TRDMT1: variants seen among roughly 807,000 people sequenced by gnomAD.
The protein encoded by TRDMT1 is tRNA (cytosine(38)-C(5))-methyltransferase.
A neutral mutation model predicts 51.2 loss-of-function variants in TRDMT1; 49 were observed. The ratio of observed to expected loss-of-function variants is 0.96; its 90% CI spans 0.76 to 1.21. The LOEUF (loss-of-function observed/expected upper bound fraction) is 1.21. Ranked by LOEUF, TRDMT1 falls within the 50% of genes most tolerant of loss-of-function variation. The probability of loss-of-function intolerance (pLI) is 0.00; values close to 1 mark genes in which losing one functional copy is unlikely to be tolerated. For missense variants in TRDMT1, 534 were observed against 462.3 expected (o/e 1.16, Z -1.42); for synonymous variants, 187 against 164.6 (o/e 1.14, Z -1.04).
chr10:17,152,602 G>A (rs998128527), intron 10 of TRDMT1, among the ~76,000 whole-genome samples: 1 of 152,134 alleles, frequency 6.6e-6, no homozygotes, highest in African/African-American at 2.4e-5. Flanking sequence ...AGCATTCGAG[G>A]GACGTGAGTC....
At chr10:17,157,924 T>C in intron 7 of TRDMT1, 140 bp from the exon 8 acceptor site, 1 of 651,094 alleles carries the variant, frequency 1.5e-6, no homozygotes, top group Non-Finnish European at 2.6e-6. Flanking sequence ...TGTGGTTTAC[T>C]TGTATTTGTA....
intron 1 of TRDMT1, among the ~76,000 whole-genome samples, chr10:17,190,749 T>C (rs907004769): frequency 1.3e-5 from 2 of 152,240 alleles, no homozygotes; most frequent in Admixed American, 6.5e-5. Context: ...ACAGCAAGCA[T>C]GCCTATAGTT....
chr10:17,145,043 T>C lies in TRDMT1; in HGVS notation c.*3997A>G. ...GTGGGTGGATTAACTTGAGGTCAGG[T>C]GTTCGAGACCAGCCTGGCCAACATG... On this transcript the variant is annotated 3_prime_UTR_variant, in exon 11 of 11. Transcript: ENST00000377799. 1.1e-6 allele frequency: 1 copy of C among 887,672 alleles called. No individual in the cohort carries two copies. Among genetic ancestry groups the C allele is most frequent in the Non-Finnish European group, 1.3e-6 (1 of 741,112 alleles). The allele number at this position is 887,672 out of a possible 1,614,324, so 55.0% of individuals were successfully genotyped here. A position where few individuals can be genotyped will look rare whatever the true frequency, so the allele number is the denominator to read the frequency against.
intron 9 of TRDMT1, among the ~76,000 whole-genome samples, chr10:17,153,931 G>T (rs1839138496): frequency 1.3e-5 from 2 of 152,046 alleles, no homozygotes; most frequent in Admixed American, 1.3e-4. Flanking sequence ...CAATATAAAA[G>T]AAATATAGTG....
At chr10:17,172,627 T>A (rs1220210960) in intron 2 of TRDMT1, among the ~76,000 whole-genome samples, 2 of 152,176 alleles carry the variant, frequency 1.3e-5, no homozygotes, top group African/African-American at 4.8e-5. Context: ...AGAAGGTTTT[T>A]CAGGAAGAAG....
chr10:17,199,959 T>A (rs1845938507), intron 1 of TRDMT1, among the ~76,000 whole-genome samples: 1 of 152,136 alleles, frequency 6.6e-6, no homozygotes, highest in Non-Finnish European at 1.5e-5. Flanking sequence ...CCCTAACAAA[T>A]TAGCAAGGAT....
At chr10:17,201,509 C>G (rs1175105759) in intron 1 of TRDMT1, 62 bp downstream of exon 1, 2 of 1,501,102 alleles carry the variant, frequency 1.3e-6, no homozygotes, top group East Asian at 5.1e-5. Context: ...CCCTTCCCGG[C>G]GCGGGTGCTC....
chr10:17,148,831 A>C lies in TRDMT1; in HGVS notation c.*209T>G. On this transcript the variant is annotated 3_prime_UTR_variant, in exon 11 of 11. Coordinates refer to ENST00000377799, the MANE Select transcript of TRDMT1 (RefSeq NM_004412.7). Reference sequence around the variant, plus strand: ...TCATATGAAAATATACTCTCCATAAAGCATAACAATAGTTCGTATTTTATA... The same window carrying C: ...TCATATGAAAATATACTCTCCATAACGCATAACAATAGTTCGTATTTTATA... 8.6e-7 allele frequency: 1 copy of C among 1,160,082 alleles called. No homozygotes were observed. Among genetic ancestry groups the C allele is most frequent in the South Asian group, 2.4e-5 (1 of 41,854 alleles). The allele number at this position is 1,160,082 out of a possible 1,614,324, so 71.9% of individuals were successfully genotyped here. A position where few individuals can be genotyped will look rare whatever the true frequency, so the allele number is the denominator to read the frequency against.
At chr10:17,168,979 G>C in intron 2 of TRDMT1, 62 bp from the exon 3 acceptor site, 1 of 1,023,916 alleles carries the variant, frequency 9.8e-7, no homozygotes, top group Non-Finnish European at 1.4e-6. Flanking sequence ...TGGGGAAGAG[G>C]GAAAATACTA....
intron 1 of TRDMT1, 130 bp from the exon 2 acceptor site, chr10:17,174,790 T>C (rs1427433562): frequency 2.7e-6 from 2 of 739,406 alleles, no homozygotes; most frequent in Non-Finnish European, 4.5e-6. Flanking sequence ...AGACTGTCAG[T>C]GGAAGGTCAG....
At position 17,158,565 on chromosome 10, in the gene TRDMT1, G is replaced by T. The variant is rs181935920; in HGVS notation, c.543+581C>A. ...TATGAAAGTTAGGGAGAGTTTCGCCGAAATGCTGAAACTCAGTTATCCATC... is the reference window on the plus strand; with the variant it reads ...TATGAAAGTTAGGGAGAGTTTCGCCTAAATGCTGAAACTCAGTTATCCATC... On this transcript the variant is annotated intron_variant, in intron 7 of 10. Transcript: ENST00000377799. 2.0e-5 allele frequency among the ~76,000 whole-genome samples: 3 copies of T among 152,078 alleles called. 1 individual carries two copies. The highest frequency in any genetic ancestry group is 4.8e-5 in the African/African-American group (2 of 41,432).
At chr10:17,149,968 C>G (rs940982665) in intron 10 of TRDMT1, among the ~76,000 whole-genome samples, 1 of 151,972 alleles carries the variant, frequency 6.6e-6, no homozygotes, top group Non-Finnish European at 1.5e-5. Context: ...TGTATAGATA[C>G]GTATTTTCAA....
intron 6 of TRDMT1, among the ~76,000 whole-genome samples, chr10:17,159,566 G>A (rs1462127037): frequency 6.6e-6 from 1 of 151,944 alleles, no homozygotes; most frequent in Non-Finnish European, 1.5e-5. Context: ...TTCAAATATA[G>A]CTATTCTTGG....
rs1300309907 is a variant in TRDMT1 at position 17,145,500 on chromosome 10, C to A, written c.*3540G>T. 4.7e-5 allele frequency: 46 copies of A among 985,274 alleles called. No individual in the cohort carries two copies. Among genetic ancestry groups the A allele is most frequent in the Non-Finnish European group, 5.1e-5 (42 of 829,922 alleles). 61.0% of individuals were successfully genotyped at this position (985,274 alleles called of 1,614,324 possible). On this transcript the variant is annotated 3_prime_UTR_variant, in exon 11 of 11. Transcript: ENST00000377799. Reference sequence around the variant, plus strand: ...GCAATCACAGGCTACAAGAAAACTGCTGAGGCTATATGACCCTCACACAGT... The same window carrying A: ...GCAATCACAGGCTACAAGAAAACTGATGAGGCTATATGACCCTCACACAGT...
intron 7 of TRDMT1, 78 bp from the exon 8 acceptor site, chr10:17,157,862 T>C: frequency 8.8e-7 from 1 of 1,136,680 alleles, no homozygotes. Flanking sequence ...CAGTCAACAT[T>C]ACGAAAACAA....
intron 8 of TRDMT1, among the ~76,000 whole-genome samples, chr10:17,156,175 T>A (rs1195152973): frequency 6.6e-6 from 1 of 151,816 alleles, no homozygotes; most frequent in Non-Finnish European, 1.5e-5. Context: ...ATCATACAAC[T>A]ACCTACCAAA....
rs1837699078 is a variant in TRDMT1 at position 17,141,586 on chromosome 10, A to G, written c.*7454T>C. Among the ~76,000 whole-genome samples the G allele has an allele frequency of 6.6e-6, 1 of 151,914 alleles. No homozygotes were observed. Among genetic ancestry groups the G allele is most frequent in the South Asian group, 2.1e-4 (1 of 4,822 alleles). On this transcript the variant is annotated 3_prime_UTR_variant, in exon 11 of 11. Coordinates refer to ENST00000377799, the MANE Select transcript of TRDMT1 (RefSeq NM_004412.7). ...ACATATAAATGTTGGTTCTTCTGTTATTGTCCCACAGGTCCCCAAGGCTCT... is the reference window on the plus strand; with the variant it reads ...ACATATAAATGTTGGTTCTTCTGTTGTTGTCCCACAGGTCCCCAAGGCTCT...
Position 17,161,522 on chromosome 10 carries a change from A to G in TRDMT1, c.350T>C (p.Leu117Pro). Reference sequence around the variant, plus strand: ...TTCAAAACCTTTAACATTTTCCAAAAGAATATACTTTGGTAATTTTTGTAA... The same window carrying G: ...TTCAAAACCTTTAACATTTTCCAAAGGAATATACTTTGGTAATTTTTGTAA... ...PRLQKLPKYILLENVKGFEVS... is the reference protein window; with the variant it reads ...PRLQKLPKYIPLENVKGFEVS... The change falls in exon 5 of 11, where the codon CTT (leucine) becomes CCT (proline). Residue 117 changes from leucine (L) to proline (P), a missense_variant. By Grantham distance (98) the Leu-to-Pro change is moderately conservative (BLOSUM62 -3). Coordinates refer to ENST00000377799, the MANE Select transcript of TRDMT1 (RefSeq NM_004412.7). The G allele has an allele frequency of 7.5e-7, 1 of 1,334,164 alleles. No homozygotes were observed. The highest frequency in any genetic ancestry group is 1.0e-6 in the Non-Finnish European group (1 of 984,240). The allele number at this position is 1,334,164 out of a possible 1,614,324, so 82.6% of individuals were successfully genotyped here.
intron 1 of TRDMT1, among the ~76,000 whole-genome samples, chr10:17,179,640 A>G (rs1382132280): frequency 2.6e-5 from 4 of 151,910 alleles, no homozygotes; most frequent in Admixed American, 6.6e-5. Flanking sequence ...CTTAAGACTC[A>G]TACTGTTCAT....
Sources: allele counts gnomAD v4.1 joint callset (sites outside exome capture counted in the v4.1 genomes callset), GRCh38; gene constraint gnomAD v4.1.1; transcripts MANE v1.5; gene names NCBI Gene and HGNC (gene_info 2026-07-23, HGNC 2026-07-21).